The following SLC2A5 variants were observed in gnomAD, a reference collection of about 807,000 sequenced individuals.
The protein encoded by SLC2A5 is solute carrier family 2 member 5.
In SLC2A5, 56 loss-of-function variants were observed where a neutral mutation model predicts 50.3. That is an observed-to-expected ratio of 1.11 (90% CI 0.90 to 1.39). The LOEUF (loss-of-function observed/expected upper bound fraction) is 1.39, where lower values mean the gene tolerates loss of function less well. Ranked by LOEUF, SLC2A5 falls within the 40% of genes most tolerant of loss-of-function variation. The pLI, the probability that SLC2A5 is intolerant of heterozygous loss-of-function variation, is 0.00. For missense variants in SLC2A5, 566 were observed against 650.1 expected (o/e 0.87, Z 1.41); for synonymous variants, 269 against 281.9 (o/e 0.95, Z 0.46).
chr1:9,079,857 A>G (rs1286072324), intron 2 of SLC2A5, among the ~76,000 whole-genome samples: 1 of 152,226 alleles, frequency 6.6e-6, no homozygotes, highest in Non-Finnish European at 1.5e-5. Flanking sequence ...AAATAAATGT[A>G]CCAGTTGAGT....
intron 2 of SLC2A5, among the ~76,000 whole-genome samples, chr1:9,078,405 C>T (rs1055266350): frequency 1.3e-5 from 2 of 152,268 alleles, no homozygotes; most frequent in African/African-American, 2.4e-5. Context: ...CCTCACTTTA[C>T]TCGGTCCCTA....
At chr1:9,066,486 C>T (rs984788472) in intron 1 of SLC2A5, among the ~76,000 whole-genome samples, 18 of 152,152 alleles carry the variant, frequency 1.2e-4, no homozygotes, top group African/African-American at 4.3e-4. Context: ...CCGCTTGCCT[C>T]GGCCTCCCAA....
intron 1 of SLC2A5, among the ~76,000 whole-genome samples, chr1:9,066,567 T>G (rs879765021): frequency 6.6e-6 from 1 of 152,324 alleles, no homozygotes; most frequent in Admixed American, 6.5e-5. Flanking sequence ...AATACCTTGT[T>G]GTACCTTTTT....
chr1:9,072,727 A>G (rs1187564224), upstream of SLC2A5, among the ~76,000 whole-genome samples: 1 of 151,634 alleles, frequency 6.6e-6, no homozygotes, highest in African/African-American at 2.4e-5. Context: ...GGGCAAGTGG[A>G]TCACTTGAGG....
chr1:9,037,318 C>T lies in SLC2A5; in HGVS notation c.*268G>A, dbSNP rs569403572. 4.1e-4 allele frequency: 176 copies of T among 434,416 alleles called. No individual in the cohort carries two copies. Among genetic ancestry groups the T allele is most frequent in the African/African-American group, 3.2e-3 (161 of 50,276 alleles). 26.9% of individuals were successfully genotyped at this position (434,416 alleles called of 1,614,324 possible). A position where few individuals can be genotyped will look rare whatever the true frequency, so the allele number is the denominator to read the frequency against. On this transcript the variant is annotated 3_prime_UTR_variant, in exon 12 of 12. Coordinates refer to ENST00000377424, the MANE Select transcript of SLC2A5 (RefSeq NM_003039.3). Reference sequence around the variant, plus strand: ...TGGAGCCACGTTACCAGGAGCCACACGAAGGCTGAACCAGCAAAGTGGAGG... The same window carrying T: ...TGGAGCCACGTTACCAGGAGCCACATGAAGGCTGAACCAGCAAAGTGGAGG...
rs1642171673 is a variant in SLC2A5 at position 9,069,635 on chromosome 1, T to C, written c.-99A>G. On this transcript the variant is annotated 5_prime_UTR_variant, in exon 1 of 12. The change abolishes an upstream ATG in the 5' untranslated region. Transcript: ENST00000377424. ...AGACATTCTGGGTGCACTTTGGCCATGCCAAATAACAGCCAATAGCATTTT... is the reference window on the plus strand; with the variant it reads ...AGACATTCTGGGTGCACTTTGGCCACGCCAAATAACAGCCAATAGCATTTT... 2.2e-6 allele frequency: 3 copies of C among 1,362,586 alleles called. No individual in the cohort carries two copies. The highest frequency in any genetic ancestry group is 4.6e-5 in the East Asian group (2 of 43,446). 84.4% of individuals were successfully genotyped at this position (1,362,586 alleles called of 1,614,324 possible).
At chr1:9,045,349 A>G (rs922369493) in intron 4 of SLC2A5, among the ~76,000 whole-genome samples, 1 of 152,194 alleles carries the variant, frequency 6.6e-6, no homozygotes, top group Non-Finnish European at 1.5e-5. Context: ...TGGAGCCCTC[A>G]ATAATTTTAA....
At chr1:9,038,328 C>T in intron 10 of SLC2A5, 103 bp downstream of exon 10, 1 of 861,316 alleles carries the variant, frequency 1.2e-6, no homozygotes, top group Non-Finnish European at 1.9e-6. Flanking sequence ...GATGCCATTT[C>T]CAGGCTGCAT....
At chr1:9,059,353 C>T (rs113568511) in intron 1 of SLC2A5, among the ~76,000 whole-genome samples, 21,265 of 151,012 alleles carry the variant, frequency 0.14, 1,865 homozygotes, top group Admixed American at 0.22. Context: ...CTGTGTTAGC[C>T]AGGATGGTCT....
At chr1:9,067,106 G>T (rs1441898754) in intron 1 of SLC2A5, among the ~76,000 whole-genome samples, 1 of 151,826 alleles carries the variant, frequency 6.6e-6, no homozygotes, top group Admixed American at 6.6e-5. Context: ...TCCCCGGACC[G>T]CGCAGCCTCT....
intron 2 of SLC2A5, among the ~76,000 whole-genome samples, chr1:9,081,964 C>T (rs1051121634): frequency 2.4e-4 from 36 of 152,080 alleles, no homozygotes; most frequent in African/African-American, 8.5e-4. Flanking sequence ...CACCTGTAAT[C>T]CCAGCTACTT....
At chr1:9,060,536 C>G (rs1275232973) in intron 1 of SLC2A5, among the ~76,000 whole-genome samples, 6 of 144,644 alleles carry the variant, frequency 4.1e-5, no homozygotes, top group Non-Finnish European at 4.6e-5. Flanking sequence ...ATCATACACA[C>G]ACCACACACA....
chr1:9,061,206 C>G (rs1173718235), intron 1 of SLC2A5, among the ~76,000 whole-genome samples: 1 of 148,280 alleles, frequency 6.7e-6, no homozygotes, highest in Admixed American at 6.9e-5. Flanking sequence ...CACTTGAGCA[C>G]GGGACGCAGA....
upstream of SLC2A5, among the ~76,000 whole-genome samples, chr1:9,073,625 C>T (rs182069361): frequency 3.9e-4 from 59 of 152,322 alleles, no homozygotes; most frequent in South Asian, 3.1e-3. Flanking sequence ...CAGCTGAAAC[C>T]GTTTCTCACT....
Position 9,042,032 on chromosome 1 carries a change from T to A in SLC2A5, c.419-95A>T, listed in dbSNP as rs1044636249. The A allele has an allele frequency of 4.2e-6, 6 of 1,443,244 alleles. No homozygotes were observed. The African/African-American group carries it at 8.6e-5, about 21-fold the overall frequency. 89.4% of individuals were successfully genotyped at this position (1,443,244 alleles called of 1,614,324 possible). A position where few individuals can be genotyped will look rare whatever the true frequency, so the allele number is the denominator to read the frequency against. ...TACTATTCTTAGCAATAACATTATT[T>A]GGGCCAGAACTCTCTCAAAACTGCA... On this transcript the variant is annotated intron_variant, in intron 4 of 11. Transcript: ENST00000377424.
chr1:9,071,482 G>GCTT, upstream of SLC2A5, among the ~76,000 whole-genome samples: 1 of 152,332 alleles, frequency 6.6e-6, no homozygotes, highest in East Asian at 1.9e-4. Flanking sequence ...CATGACACCT[G>GCTT]CTTCTATCTA....
At chr1:9,075,587 G>C (rs1235092792) in intron 2 of SLC2A5, among the ~76,000 whole-genome samples, 1 of 152,132 alleles carries the variant, frequency 6.6e-6, no homozygotes, top group African/African-American at 2.4e-5. Context: ...CTAAATGGTG[G>C]AGTTAGCAGG....
At chr1:9,080,300 C>T (rs1327173345) in intron 2 of SLC2A5, among the ~76,000 whole-genome samples, 7 of 152,174 alleles carry the variant, frequency 4.6e-5, no homozygotes, top group Admixed American at 3.3e-4. Flanking sequence ...GCTGAGCCCC[C>T]GTTTTCAATT....
At chr1:9,085,742 C>CT (rs1220624077) in intron 1 of SLC2A5, among the ~76,000 whole-genome samples, 19 of 152,142 alleles carry the variant, frequency 1.2e-4, no homozygotes, top group Admixed American at 1.2e-3. Context: ...TTTGGTTACA[C>CT]TGGGGTGGCA....
Sources: allele counts gnomAD v4.1 joint callset (sites outside exome capture counted in the v4.1 genomes callset), GRCh38; gene constraint gnomAD v4.1.1; transcripts MANE v1.5; gene names NCBI Gene and HGNC (gene_info 2026-07-23, HGNC 2026-07-21).